The following TFAP2D variants were observed in gnomAD, a reference collection of about 807,000 sequenced individuals.
The protein encoded by TFAP2D is transcription factor AP-2 delta, also known as transcription factor AP-2-delta.
TFAP2D carries 9 observed loss-of-function variants against 43.6 expected under a neutral mutation model. That is an observed-to-expected ratio of 0.21 (90% confidence interval 0.12 to 0.36). The LOEUF is 0.36. TFAP2D is among the 10% of genes least tolerant of loss of function. TFAP2D has a pLI of 1.00. For synonymous variants in TFAP2D, 256 were observed against 224.9 expected, an observed-to-expected ratio of 1.14 and a Z score of -1.24; for missense variants, 513 against 561.4, an observed-to-expected ratio of 0.91 and a Z score of 0.87.
chr6:50,763,082 G>A (rs567950011), intron 7 of TFAP2D, among the ~76,000 whole-genome samples: 1 of 152,128 alleles, frequency 6.6e-6, no homozygotes, highest in African/African-American at 2.4e-5. Flanking sequence ...AAGTGGACAT[G>A]TTTTCCTTAA....
intron 5 of TFAP2D, among the ~76,000 whole-genome samples, chr6:50,739,934 C>T (rs1183477006): frequency 1.3e-5 from 2 of 152,160 alleles, no homozygotes; most frequent in African/African-American, 4.8e-5. Context: ...TTATAAGGCA[C>T]CTCTCCAGGC....
chr6:50,770,521 CA>C (rs1183182680), intron 7 of TFAP2D, among the ~76,000 whole-genome samples: 1 of 152,028 alleles, frequency 6.6e-6, no homozygotes, highest in Admixed American at 6.6e-5. Flanking sequence ...ACCCTCTACC[CA>C]GAAAATATAC....
At chr6:50,770,890 G>GTA (rs112902331) in intron 7 of TFAP2D, among the ~76,000 whole-genome samples, 139 of 150,068 alleles carry the variant, frequency 9.3e-4, no homozygotes, top group Admixed American at 2.7e-3. Context: ...GCACAATGTT[G>GTA]TATATATATA....
chr6:50,733,360 C>T (rs1768919663), intron 5 of TFAP2D, among the ~76,000 whole-genome samples: 1 of 152,012 alleles, frequency 6.6e-6, no homozygotes, highest in Non-Finnish European at 1.5e-5. Flanking sequence ...CTCTTCTTTC[C>T]ATTTTCCTTT....
At chr6:50,757,335 T>A (rs1343993250) in intron 7 of TFAP2D, among the ~76,000 whole-genome samples, 1 of 139,872 alleles carries the variant, frequency 7.1e-6, no homozygotes, top group Non-Finnish European at 1.5e-5. Flanking sequence ...GATATATATA[T>A]CTATATAGAG....
chr6:50,757,750 T>A (rs9473906), intron 7 of TFAP2D, among the ~76,000 whole-genome samples: 1,264 of 65,564 alleles, frequency 0.019, 97 homozygotes, highest in African/African-American at 0.065. Context: ...ATATATATAA[T>A]TATTCTATAT....
At chr6:50,753,527 C>A (rs1169572856) in intron 7 of TFAP2D, among the ~76,000 whole-genome samples, 1 of 151,818 alleles carries the variant, frequency 6.6e-6, no homozygotes. Flanking sequence ...TTTACCTCCC[C>A]ATACAGAATA....
chr6:50,763,179 T>C (rs534017498), intron 7 of TFAP2D, among the ~76,000 whole-genome samples: 5 of 152,292 alleles, frequency 3.3e-5, no homozygotes, highest in African/African-American at 1.2e-4. Context: ...GGTTCTGTTA[T>C]ACAATGCAGA....
chr6:50,750,941 A>G (rs1326614794), intron 6 of TFAP2D, among the ~76,000 whole-genome samples: 1 of 152,010 alleles, frequency 6.6e-6, no homozygotes, highest in Non-Finnish European at 1.5e-5. Context: ...TAATTTATGA[A>G]TAGTCATCTT....
chr6:50,714,134 T>A, intron 1 of TFAP2D, 40 bp downstream of exon 1: 1 of 1,511,664 alleles, frequency 6.6e-7, no homozygotes, highest in Non-Finnish European at 8.9e-7. Flanking sequence ...TGAGCGCGCG[T>A]GTGTGTGGCG....
chr6:50,746,237 T>TTGTTTGTC (rs1769123571), intron 6 of TFAP2D, among the ~76,000 whole-genome samples: 1 of 151,916 alleles, frequency 6.6e-6, no homozygotes, highest in Non-Finnish European at 1.5e-5. Flanking sequence ...TTTTGTTTGT[T>TTGTTTGTC]TGTTTGTTTG....
In TFAP2D at chr6:50,745,165, C is replaced by T. The variant is rs773433208; in HGVS notation, c.942C>T (p.Ala314=). Residue 314 remains alanine (A), a synonymous_variant, in exon 6 of 8, where the codon GCC becomes GCT. Transcript: ENST00000008391. ...ACACTTGTGAAACAGAGTTTCCAGC[C>T]AAAGCAGTAGGAGAACATCTTGCCA... is the stretch of plus-strand genomic sequence containing the variant. The part of the protein sequence containing the change: ...FGYTCETEFP[A]KAVGEHLARQ... 6.2e-7 allele frequency: 1 copy of T among 1,613,512 alleles called. No individual in the cohort carries two copies. The highest frequency in any genetic ancestry group is 8.5e-7 in the Non-Finnish European group (1 of 1,179,796).
intron 7 of TFAP2D, among the ~76,000 whole-genome samples, chr6:50,765,761 C>T (rs1769432949): frequency 6.6e-6 from 1 of 151,730 alleles, no homozygotes. Context: ...ATTTTAGATA[C>T]TAATTTTTGT....
At chr6:50,750,421 C>T (rs1769184893) in intron 6 of TFAP2D, among the ~76,000 whole-genome samples, 1 of 151,884 alleles carries the variant, frequency 6.6e-6, no homozygotes, top group Non-Finnish European at 1.5e-5. Context: ...AGAGACTGGA[C>T]TAATTTAGTG....
At position 50,745,160 on chromosome 6, in the gene TFAP2D, C is replaced by G. The variant is rs1219934542; in HGVS notation, c.937C>G (p.Pro313Ala). The G allele has an allele frequency of 1.2e-6, 2 of 1,613,620 alleles. No individual in the cohort carries two copies. The highest frequency in any genetic ancestry group is 2.2e-5 in the South Asian group (2 of 91,052). ...TGGCTACACTTGTGAAACAGAGTTTCCAGCCAAAGCAGTAGGAGAACATCT... is the reference window on the plus strand; with the variant it reads ...TGGCTACACTTGTGAAACAGAGTTTGCAGCCAAAGCAGTAGGAGAACATCT... ...DFGYTCETEF[P>A]AKAVGEHLAR... Residue 313 changes from proline (P) to alanine (A), a missense_variant, in exon 6 of 8, where the codon CCA becomes GCA. Physicochemically the swap from Pro to Ala is conservative, Grantham distance 27. Transcript: ENST00000008391.
intron 3 of TFAP2D, among the ~76,000 whole-genome samples, chr6:50,727,439 G>C (rs914564246): frequency 6.6e-6 from 1 of 152,160 alleles, no homozygotes; most frequent in Non-Finnish European, 1.5e-5. Context: ...CTAGTTAAGG[G>C]TAGGAGATAC....
chr6:50,715,641 G>C (rs2114026364), intron 2 of TFAP2D, 28 bp downstream of exon 2: 1 of 1,562,592 alleles, frequency 6.4e-7, no homozygotes, highest in Middle Eastern at 1.7e-4. Flanking sequence ...GAATTTGTCT[G>C]CTCCCTCCCC....
chr6:50,732,414 T>A (rs941642369), intron 5 of TFAP2D, among the ~76,000 whole-genome samples: 1 of 152,090 alleles, frequency 6.6e-6, no homozygotes, highest in African/African-American at 2.4e-5. Context: ...TTCTCAAACA[T>A]CCTAATGGCC....
chr6:50,714,592 A>T (rs1768582969), intron 1 of TFAP2D, among the ~76,000 whole-genome samples: 2 of 152,124 alleles, frequency 1.3e-5, no homozygotes, highest in Admixed American at 6.5e-5. Context: ...TGGATTTTTT[A>T]AAATATATGG....
Sources: allele counts gnomAD v4.1 joint callset (sites outside exome capture counted in the v4.1 genomes callset), GRCh38; gene constraint gnomAD v4.1.1; transcripts MANE v1.5; gene names NCBI Gene and HGNC (gene_info 2026-07-23, HGNC 2026-07-21).